PPFIBP1: variants seen among roughly 807,000 people sequenced by gnomAD.
PPFIBP1 encodes PPFIB scaffold protein 1.
Under a neutral mutation model 137.8 loss-of-function variants are expected in PPFIBP1, and 112 were observed. That is an observed-to-expected ratio of 0.81 (90% CI 0.70 to 0.95). The LOEUF (loss-of-function observed/expected upper bound fraction) is 0.95. Among genes scored for constraint, PPFIBP1 ranks in the 40% least tolerant of loss-of-function variants. PPFIBP1 has a pLI of 0.00. For synonymous variants in PPFIBP1, 378 were observed against 417.3 expected, an observed-to-expected ratio of 0.91 and a Z score of 1.15; for missense variants, 1,083 against 1,196.6, an observed-to-expected ratio of 0.91 and a Z score of 1.40.
chr12:27,608,605 T>A (rs1402583125), intron 2 of PPFIBP1: 3 of 384,430 alleles, frequency 7.8e-6, no homozygotes, highest in Non-Finnish European at 1.5e-5. Flanking sequence ...TGAGTTAGGA[T>A]TCCCTCCTTC....
At chr12:27,541,041 T>C (rs755362156) in intron 1 of PPFIBP1, among the ~76,000 whole-genome samples, 20 of 152,232 alleles carry the variant, frequency 1.3e-4, no homozygotes, top group Non-Finnish European at 2.5e-4. Context: ...AATCTATTGA[T>C]TGTCTTTTGC....
chr12:27,671,271 T>C (rs891278873), intron 13 of PPFIBP1, among the ~76,000 whole-genome samples, 160 bp from the exon 14 acceptor site: 1 of 152,274 alleles, frequency 6.6e-6, no homozygotes, highest in Non-Finnish European at 1.5e-5. Context: ...GTACTCCTTC[T>C]ATATAGATGT....
rs2059054637 is a variant in PPFIBP1 at position 27,654,187 on chromosome 12, G to A, written c.604-535G>A. On this transcript the variant is annotated intron_variant, in intron 7 of 29. Coordinates refer to ENST00000228425, the MANE Select transcript of PPFIBP1 (RefSeq NM_003622.4). ...GTTTCAGGAATCTTAAGGATTCATGGCTTAAAGGATTTAATTTTCATTTCA... is the reference window on the plus strand; with the variant it reads ...GTTTCAGGAATCTTAAGGATTCATGACTTAAAGGATTTAATTTTCATTTCA... Among the ~76,000 whole-genome samples, 3 of 152,144 alleles carry A rather than the reference G, an allele frequency of 2.0e-5. No homozygotes were observed. The South Asian group carries it at 6.2e-4, about 32-fold the overall frequency.
chr12:27,570,868 G>A (rs1226477802), intron 1 of PPFIBP1, among the ~76,000 whole-genome samples: 1 of 151,960 alleles, frequency 6.6e-6, no homozygotes, highest in African/African-American at 2.4e-5. Flanking sequence ...AGCCGAGATG[G>A]CACCACTGCA....
chr12:27,654,404 TAG>T (rs2059068849), intron 7 of PPFIBP1: 2 of 186,444 alleles, frequency 1.1e-5, no homozygotes, highest in African/African-American at 2.3e-5. Context: ...TGAAATAGCA[TAG>T]AGTCATTTTT....
In PPFIBP1 at chr12:27,633,350, A is replaced by G. The variant is rs1347356202; in HGVS notation, c.-35-12A>G. The G allele has an allele frequency of 6.4e-7, 1 of 1,567,748 alleles. No individual in the cohort carries two copies. The highest frequency in any genetic ancestry group is 8.8e-7 in the Non-Finnish European group (1 of 1,139,210). On this transcript the variant is annotated splice_polypyrimidine_tract_variant and intron_variant, in intron 2 of 29. Transcript: ENST00000228425. ...ATTTAATGGATGTAATGATAACCTT[A>G]TTTTTTTTCAGATCTGGGTTGGAAT...
intron 11 of PPFIBP1, among the ~76,000 whole-genome samples, chr12:27,661,586 A>G (rs1386139670): frequency 6.6e-6 from 1 of 152,184 alleles, no homozygotes; most frequent in Non-Finnish European, 1.5e-5. Flanking sequence ...TTACCTGACC[A>G]CGTATCTAGC....
intron 1 of PPFIBP1, among the ~76,000 whole-genome samples, chr12:27,555,893 CTT>C (rs1195574315): frequency 1.3e-5 from 2 of 152,086 alleles, no homozygotes; most frequent in African/African-American, 4.8e-5. Flanking sequence ...TTGAAAGAGA[CTT>C]TGCATAAAAA....
intron 4 of PPFIBP1, among the ~76,000 whole-genome samples, chr12:27,637,907 A>G (rs550286247): frequency 2.6e-5 from 4 of 152,308 alleles, no homozygotes; most frequent in African/African-American, 9.6e-5. Context: ...GATGTGTTTT[A>G]TGATCTTAAA....
intron 1 of PPFIBP1, among the ~76,000 whole-genome samples, chr12:27,556,544 A>G (rs138857777): frequency 5.5e-4 from 84 of 152,322 alleles, no homozygotes; most frequent in African/African-American, 1.9e-3. Flanking sequence ...GGAATTCATG[A>G]TGGAGTCTCA....
chr12:27,572,671 A>G (rs1245198736), intron 1 of PPFIBP1, among the ~76,000 whole-genome samples: 2 of 152,200 alleles, frequency 1.3e-5, no homozygotes, highest in African/African-American at 4.8e-5. Context: ...AAATGGGTTC[A>G]CTGAGGACTT....
chr12:27,680,142 T>C, intron 21 of PPFIBP1, 81 bp downstream of exon 21: 1 of 1,538,382 alleles, frequency 6.5e-7, no homozygotes, highest in South Asian at 1.2e-5. Context: ...AGTACTGTCA[T>C]TGGGTTAAAC....
At chr12:27,562,413 TA>T (rs2049242361) in intron 1 of PPFIBP1, among the ~76,000 whole-genome samples, 1 of 152,266 alleles carries the variant, frequency 6.6e-6, no homozygotes, top group South Asian at 2.1e-4. Flanking sequence ...GCTATTTTTG[TA>T]ATTTTTACAA....
At chr12:27,621,803 G>A (rs977416267) in intron 2 of PPFIBP1, among the ~76,000 whole-genome samples, 16 of 152,112 alleles carry the variant, frequency 1.1e-4, no homozygotes, top group Non-Finnish European at 1.6e-4. Context: ...CTTCCCAATC[G>A]ATTTTATGTG....
chr12:27,666,135 A>G (rs969843949), intron 12 of PPFIBP1, among the ~76,000 whole-genome samples: 4 of 152,210 alleles, frequency 2.6e-5, no homozygotes, highest in African/African-American at 9.6e-5. Flanking sequence ...ATCACTCGTA[A>G]TTGCACTGGC....
intron 1 of PPFIBP1, among the ~76,000 whole-genome samples, chr12:27,526,344 A>C (rs1592248665): frequency 6.6e-6 from 1 of 152,264 alleles, no homozygotes; most frequent in South Asian, 2.1e-4. Context: ...TTTGATTCAC[A>C]GTTTGAATAA....
intron 4 of PPFIBP1, among the ~76,000 whole-genome samples, chr12:27,644,369 C>G (rs1384430702): frequency 6.6e-6 from 1 of 151,700 alleles, no homozygotes; most frequent in Non-Finnish European, 1.5e-5. Context: ...GTATGCACCA[C>G]CACCCTTGGC....
chr12:27,651,868 T>A (rs1262898438), intron 7 of PPFIBP1, among the ~76,000 whole-genome samples: 1 of 152,220 alleles, frequency 6.6e-6, no homozygotes, highest in African/African-American at 2.4e-5. Flanking sequence ...CTGCTTTTTT[T>A]AATCAAATCT....
Position 27,589,227 on chromosome 12 carries a change from G to T in PPFIBP1, c.-36+10988G>T, listed in dbSNP as rs1356081978. On this transcript the variant is annotated intron_variant, in intron 2 of 29. Transcript: ENST00000228425. ...AATTGTTCTTTATTGTTGGTGTAAG[G>T]ACTTTAGCACTCTCTAGGAAATCGT... 3.9e-5 allele frequency among the ~76,000 whole-genome samples: 6 copies of T among 152,256 alleles called. No individual in the cohort carries two copies. The East Asian group carries it at 1.2e-3, about 29-fold the overall frequency.
Sources: gnomAD v4.1 joint callset for allele counts (sites outside exome capture counted in the v4.1 genomes callset) on GRCh38, gnomAD v4.1.1 for gene constraint, MANE v1.5 for transcripts, NCBI Gene and HGNC (gene_info 2026-07-23, HGNC 2026-07-21) for gene names.